The following NFASC variants were observed in gnomAD, a reference collection of about 807,000 sequenced individuals.
NFASC encodes the protein neurofascin, also known as neurofascin homolog.
In NFASC, 43 loss-of-function variants were observed where a neutral mutation model predicts 147.5. That is an observed-to-expected ratio of 0.29 (90% CI 0.23 to 0.38). The LOEUF is 0.38. Ranked by LOEUF, NFASC falls within the 10% of genes least tolerant of loss-of-function variation. NFASC has a pLI of 1.00. For missense variants in NFASC, 1,320 were observed against 1,689.0 expected, an observed-to-expected ratio of 0.78 and a Z score of 3.83; for synonymous variants, 622 against 665.5, an observed-to-expected ratio of 0.93 and a Z score of 1.01.
chr1:204,882,280 G>A (rs1376412885), intron 1 of NFASC, among the ~76,000 whole-genome samples: 1 of 151,984 alleles, frequency 6.6e-6, no homozygotes, highest in Non-Finnish European at 1.5e-5. Context: ...CATCTCCATG[G>A]TATACAAGGC....
chr1:204,828,864 G>C (rs59436169), intron 1 of NFASC, 82 bp downstream of exon 1: 113,615 of 928,076 alleles, frequency 0.12, 12,770 homozygotes, highest in East Asian at 0.78. Flanking sequence ...TCCCGCCCTC[G>C]TCTGTCTCCA....
chr1:204,975,519 G>A lies in NFASC; in HGVS notation c.1706+101G>A, dbSNP rs991123865. 78 of 1,459,830 alleles carry A rather than the reference G, an allele frequency of 5.3e-5. 1 individual carries two copies. The highest frequency in any genetic ancestry group is 3.3e-4 in the Admixed American group (18 of 54,006). 90.4% of individuals were successfully genotyped at this position (1,459,830 alleles called of 1,614,324 possible). On this transcript the variant is annotated intron_variant, in intron 15 of 29. Coordinates refer to ENST00000339876, the MANE Select transcript of NFASC (RefSeq NM_001005388.3). The surrounding 1 kb of genome is among the most constrained non-coding windows in gnomAD (Gnocchi z 4.0). ...GGAAGAACACAGGGACAGGGAACCC[G>A]TGTCATGCATGTCACCAAGGAGCTT...
intron 1 of NFASC, among the ~76,000 whole-genome samples, chr1:204,853,313 A>T (rs116703088): frequency 9.9e-4 from 150 of 152,228 alleles, no homozygotes; most frequent in Non-Finnish European, 1.9e-3. Context: ...ATAATTGAGG[A>T]TTGCTTTTAG....
At chr1:204,845,295 CAAAAA>C (rs35773017) in intron 1 of NFASC, among the ~76,000 whole-genome samples, 2 of 140,538 alleles carry the variant, frequency 1.4e-5, no homozygotes, top group South Asian at 4.5e-4. Context: ...TACTAAAATA[CAAAAA>C]AAAAAAAAAT....
At chr1:204,936,074 C>A (rs1273668576) in intron 2 of NFASC, among the ~76,000 whole-genome samples, 1 of 152,232 alleles carries the variant, frequency 6.6e-6, no homozygotes, top group East Asian at 1.9e-4. Context: ...TCCTGAGTCC[C>A]ACCTGTTCTC....
intron 1 of NFASC, among the ~76,000 whole-genome samples, chr1:204,861,861 C>A (rs1273866370): frequency 6.6e-6 from 1 of 152,212 alleles, no homozygotes; most frequent in Non-Finnish European, 1.5e-5. Flanking sequence ...GTACCCACTC[C>A]AGACTCATGA....
chr1:204,983,811 A>G (rs1574125104), intron 21 of NFASC, among the ~76,000 whole-genome samples: 1 of 152,166 alleles, frequency 6.6e-6, no homozygotes, highest in African/African-American at 2.4e-5. Flanking sequence ...CCCTCTGAAC[A>G]TGTAGGCAGA....
rs1019183255 is a variant in NFASC at position 204,975,213 on chromosome 1, G to C, written c.1559-58G>C. ...GGCAGACATATGCCACTTTGTGGCC[G>C]CATGGGGATGCTGGGCAGAGAACAG... On this transcript the variant is annotated intron_variant, in intron 14 of 29. Transcript: ENST00000339876. This position sits in a 1 kb window ranked among gnomAD's most constrained non-coding sequence, Gnocchi z 4.0. 1 of 1,547,516 alleles carries C rather than the reference G, an allele frequency of 6.5e-7. No homozygotes were observed. Among genetic ancestry groups the C allele is most frequent in the African/African-American group, 1.4e-5 (1 of 73,022 alleles).
chr1:204,858,429 C>T (rs956015125), intron 1 of NFASC, among the ~76,000 whole-genome samples: 2 of 152,124 alleles, frequency 1.3e-5, no homozygotes, highest in African/African-American at 4.8e-5. Flanking sequence ...CCTCTGGGCT[C>T]CTGTTTTGGT....
At chr1:204,990,062 T>C (rs1458457440) in intron 23 of NFASC, 3 of 152,312 alleles carry the variant, frequency 2.0e-5, no homozygotes, top group Non-Finnish European at 2.9e-5. Flanking sequence ...GCCCACATCC[T>C]TCCCCAGCCC....
chr1:204,997,449 C>A (rs2150793395), intron 25 of NFASC, 43 bp downstream of exon 25: 2 of 1,550,922 alleles, frequency 1.3e-6, no homozygotes, highest in Non-Finnish European at 1.7e-6. Context: ...CCTGGCCCGC[C>A]TCCCCAGCGG....
chr1:204,897,127 T>C (rs1286087761), intron 1 of NFASC, among the ~76,000 whole-genome samples: 1 of 151,872 alleles, frequency 6.6e-6, no homozygotes, highest in Non-Finnish European at 1.5e-5. Context: ...GTTTCATTCA[T>C]GTGTACATTG....
chr1:204,912,373 A>G (rs1231474002), intron 1 of NFASC, among the ~76,000 whole-genome samples: 1 of 151,984 alleles, frequency 6.6e-6, no homozygotes, highest in Admixed American at 6.6e-5. Flanking sequence ...TTCAATTGAA[A>G]CTTTCTCTTT....
Position 205,009,658 on chromosome 1 carries a change from A to T in NFASC, c.3391A>T (p.Ile1131Phe), listed in dbSNP as rs780385293. ...GCTGATCCTGCTCATCGTCTGTTTC[A>T]TCAAGAGGAGTCGCGGCGGCAAGTA... Reference protein sequence around the residue: ...LVLILLIVCFIKRSRGGKYPV... With the variant: ...LVLILLIVCFFKRSRGGKYPV... The change falls in exon 28 of 30, where the codon ATC (isoleucine) becomes TTC (phenylalanine). Residue 1131 changes from isoleucine to phenylalanine, a missense_variant. By Grantham distance (21) the Ile-to-Phe change is conservative. This residue lies in a region of NFASC where 167 missense variants were observed against 233.8 expected (regional missense o/e 0.71). Coordinates refer to ENST00000339876, the MANE Select transcript of NFASC (RefSeq NM_001005388.3). 1.2e-5 allele frequency: 20 copies of T among 1,613,950 alleles called. No homozygotes were observed. Among genetic ancestry groups the T allele is most frequent in the Non-Finnish European group, 6.8e-6 (8 of 1,180,040 alleles).
chr1:205,001,249 C>T lies in NFASC; in HGVS notation c.3099C>T (p.Phe1033=), dbSNP rs1286438344. The change falls in exon 26 of 30, where the codon TTC becomes TTT. Residue 1033 remains phenylalanine, a synonymous_variant. Coordinates refer to ENST00000339876, the MANE Select transcript of NFASC (RefSeq NM_001005388.3). ...CCAACATCACCTGGAAGCACAATTTCGGGCCCGGAACTGACTTTGTGGTTG... is the reference window on the plus strand; with the variant it reads ...CCAACATCACCTGGAAGCACAATTTTGGGCCCGGAACTGACTTTGTGGTTG... ...KWANITWKHN[F]GPGTDFVVEY... is the part of the protein sequence containing the mutation. 14 of 1,612,288 alleles carry T rather than the reference C, an allele frequency of 8.7e-6. No individual in the cohort carries two copies. The highest frequency in any genetic ancestry group is 2.7e-5 in the African/African-American group (2 of 74,872).
At chr1:204,885,378 C>A (rs1238686541) in intron 1 of NFASC, among the ~76,000 whole-genome samples, 1 of 147,322 alleles carries the variant, frequency 6.8e-6, no homozygotes. Flanking sequence ...TTCACCCTCC[C>A]CTTTGCCCTG....
intron 10 of NFASC, among the ~76,000 whole-genome samples, chr1:204,970,152 C>A (rs974102155): frequency 6.6e-6 from 1 of 151,032 alleles, no homozygotes; most frequent in African/African-American, 2.4e-5. Flanking sequence ...TAGGCTTTTC[C>A]TAAATGGTCT....
chr1:205,010,767 T>C lies in NFASC; in HGVS notation c.3421+1079T>C, dbSNP rs1306697738. ...AAATACAAAAAATTAGCTGGGTGTT[T>C]TGGCACGTGCCTATAATCCCAGCTA... On this transcript the variant is annotated intron_variant, in intron 28 of 29. Coordinates refer to ENST00000339876, the MANE Select transcript of NFASC (RefSeq NM_001005388.3). This position sits in a 1 kb window ranked among gnomAD's most constrained non-coding sequence, Gnocchi z 4.1. 2 of 152,044 alleles carry C rather than the reference T, an allele frequency of 1.3e-5. No homozygotes were observed. Among genetic ancestry groups the C allele is most frequent in the East Asian group, 3.9e-4 (2 of 5,158 alleles). 9.4% of individuals were successfully genotyped at this position (152,044 alleles called of 1,614,324 possible).
intron 2 of NFASC, among the ~76,000 whole-genome samples, chr1:204,933,442 A>G (rs1303059704): frequency 6.6e-6 from 1 of 152,130 alleles, no homozygotes; most frequent in East Asian, 1.9e-4. Flanking sequence ...ACCAACAAAG[A>G]TGGGGACTGG....
Sources: gnomAD v4.1 joint callset for allele counts (sites outside exome capture counted in the v4.1 genomes callset) on GRCh38, gnomAD v4.1.1 for gene constraint, gnomAD v4.1.1 regional missense constraint, Gnocchi (gnomAD v3.1) non-coding constraint, MANE v1.5 for transcripts, NCBI Gene and HGNC (gene_info 2026-07-23, HGNC 2026-07-21) for gene names.